The following NCOR2 variants were observed in gnomAD, a reference collection of about 807,000 sequenced individuals.
NCOR2 encodes nuclear receptor corepressor 2.
A neutral mutation model predicts 262.9 loss-of-function variants in NCOR2; 81 were observed. That is an observed-to-expected ratio of 0.31 (90% CI 0.26 to 0.37). The LOEUF (loss-of-function observed/expected upper bound fraction) is 0.37, where lower values mean the gene tolerates loss of function less well. Among genes scored for constraint, NCOR2 ranks in the 10% least tolerant of loss-of-function variants. The probability of loss-of-function intolerance (pLI) is 1.00; values close to 1 mark genes in which losing one functional copy is unlikely to be tolerated. For synonymous variants in NCOR2, 1,659 were observed against 1,559.3 expected (o/e 1.06, Z -1.51); for missense variants, 3,385 against 3,621.4 (o/e 0.93, Z 1.68).
intron 1 of NCOR2, 139 bp downstream of exon 1, chr12:124,567,169 A>AC (rs537931803): frequency 4.7e-5 from 7 of 149,518 alleles, no homozygotes; most frequent in African/African-American, 1.7e-4. Flanking sequence ...CCAGCAGGCC[A>AC]CCCCCCGAGA....
intron 17 of NCOR2, among the ~76,000 whole-genome samples, chr12:124,380,695 G>A (rs1000036071): frequency 6.6e-6 from 1 of 152,130 alleles, no homozygotes; most frequent in Non-Finnish European, 1.5e-5. Context: ...GCTGGGACAT[G>A]GGAGATGCTC....
intron 3 of NCOR2, among the ~76,000 whole-genome samples, chr12:124,473,539 G>A (rs998329174): frequency 5.9e-5 from 9 of 152,132 alleles, no homozygotes; most frequent in Non-Finnish European, 1.3e-4. Context: ...GTGGGACCTT[G>A]TGATCGTGTG....
intron 33 of NCOR2, among the ~76,000 whole-genome samples, chr12:124,342,480 C>T (rs1271790675): frequency 1.3e-5 from 2 of 152,136 alleles, no homozygotes; most frequent in Non-Finnish European, 2.9e-5. Flanking sequence ...CGCCATTCTC[C>T]TGCCTCAGCC....
intron 17 of NCOR2, among the ~76,000 whole-genome samples, chr12:124,385,162 G>A (rs907607298): frequency 3.9e-5 from 6 of 152,264 alleles, no homozygotes; most frequent in East Asian, 1.9e-4. Flanking sequence ...CCATTTACAC[G>A]CTGGCGAGGC....
At chr12:124,518,327 A>G (rs2049953360) in intron 1 of NCOR2, 1 of 152,384 alleles carries the variant, frequency 6.6e-6, no homozygotes. Flanking sequence ...TTCCTCCAGG[A>G]TGACACCCGC....
chr12:124,428,085 G>GTGTA (rs2043680237), intron 10 of NCOR2, among the ~76,000 whole-genome samples: 1 of 147,160 alleles, frequency 6.8e-6, no homozygotes, highest in Admixed American at 6.8e-5. Flanking sequence ...GTGTGTGTGT[G>GTGTA]TGTACATGCA....
At chr12:124,360,110 C>T (rs2038420192) in intron 22 of NCOR2, among the ~76,000 whole-genome samples, 1 of 152,216 alleles carries the variant, frequency 6.6e-6, no homozygotes, top group African/African-American at 2.4e-5. Flanking sequence ...ACCTGGCTGG[C>T]ACCGTGCAGT....
At chr12:124,348,790 C>T in intron 28 of NCOR2, 1 of 172,556 alleles carries the variant, frequency 5.8e-6, no homozygotes. Context: ...CAGGCAGCAG[C>T]ACGCGTGCAC....
intron 1 of NCOR2, among the ~76,000 whole-genome samples, chr12:124,502,551 G>C (rs1593860293): frequency 6.6e-6 from 1 of 152,184 alleles, no homozygotes; most frequent in Admixed American, 6.5e-5. Flanking sequence ...GGCACAGCAG[G>C]TGCAAAGGCC....
chr12:124,400,408 C>A (rs979611696), intron 15 of NCOR2, 93 bp downstream of exon 17: 5 of 1,519,402 alleles, frequency 3.3e-6, no homozygotes, highest in Non-Finnish European at 4.4e-6. Context: ...TTGGCTGTTG[C>A]CAATTAACTC....
chr12:124,557,030 G>A (rs979114991), intron 1 of NCOR2, among the ~76,000 whole-genome samples: 5 of 152,272 alleles, frequency 3.3e-5, no homozygotes, highest in African/African-American at 9.6e-5. Context: ...GGAGCAGGTC[G>A]CAGAGGACGG....
intron 20 of NCOR2, among the ~76,000 whole-genome samples, chr12:124,364,377 G>C (rs756833033): frequency 3.9e-5 from 6 of 152,186 alleles, no homozygotes; most frequent in African/African-American, 9.6e-5. Context: ...AGGCAGGAGT[G>C]GGGGAGCTGC....
chr12:124,502,448 G>A (rs1221205793), intron 1 of NCOR2, among the ~76,000 whole-genome samples: 1 of 152,158 alleles, frequency 6.6e-6, no homozygotes, highest in Non-Finnish European at 1.5e-5. Flanking sequence ...GGCAGGGAAT[G>A]GGGGTACATT....
chr12:124,495,397 G>A, upstream of NCOR2: 4 of 1,422,748 alleles, frequency 2.8e-6, no homozygotes, highest in South Asian at 5.9e-5. This position sits in a 1 kb window ranked among gnomAD's most constrained non-coding sequence, Gnocchi z 4.4. Context: ...AGAAAAACAA[G>A]ATCAGCCACG....
At chr12:124,352,875 TGGGCAGGAAGTCCCTGGAGGATCAG>T (rs1273976936) in intron 27 of NCOR2, among the ~76,000 whole-genome samples, 2 of 152,190 alleles carry the variant, frequency 1.3e-5, no homozygotes, top group Non-Finnish European at 2.9e-5. Context: ...ACTCCCAAGA[TGGGCAGGAAGTCCCTGGAGGATCAG>T]GGAGCTGGGA....
intron 11 of NCOR2, among the ~76,000 whole-genome samples, chr12:124,424,253 C>T (rs1593474257): frequency 1.3e-5 from 2 of 152,114 alleles, no homozygotes; most frequent in African/African-American, 2.4e-5. Flanking sequence ...TCATGCCTAC[C>T]AGGGGGAACG....
intron 16 of NCOR2, among the ~76,000 whole-genome samples, chr12:124,387,024 G>A (rs368315243): frequency 4.6e-5 from 7 of 152,250 alleles, no homozygotes; most frequent in Admixed American, 1.3e-4. Flanking sequence ...CACGTAGCTC[G>A]GGACATGGCA....
chr12:124,392,052 A>G (rs776648484), intron 16 of NCOR2, among the ~76,000 whole-genome samples: 9 of 152,156 alleles, frequency 5.9e-5, no homozygotes, highest in Non-Finnish European at 7.4e-5. Context: ...GCGTGTGTAC[A>G]CACGCGTGTG....
intron 1 of NCOR2, among the ~76,000 whole-genome samples, chr12:124,489,810 G>A (rs1390188733): frequency 1.3e-5 from 2 of 152,174 alleles, no homozygotes; most frequent in Non-Finnish European, 2.9e-5. Flanking sequence ...GAGTGGCTGG[G>A]GGCAGAGAGG....
Sources: gnomAD v4.1 joint callset for allele counts (sites outside exome capture counted in the v4.1 genomes callset) on GRCh38, gnomAD v4.1.1 for gene constraint, Gnocchi (gnomAD v3.1) non-coding constraint, MANE v1.5 for transcripts, NCBI Gene and HGNC (gene_info 2026-07-23, HGNC 2026-07-21) for gene names.